Variants in KSR2 observed in about 807,000 individuals in gnomAD.
The protein encoded by KSR2 is kinase suppressor of ras 2.
KSR2 carries 25 observed loss-of-function variants against 107.8 expected under a neutral mutation model. The ratio of observed to expected loss-of-function variants is 0.23; its 90% confidence interval spans 0.17 to 0.32. The LOEUF (loss-of-function observed/expected upper bound fraction) is 0.32. Ranked by LOEUF, KSR2 falls within the 10% of genes least tolerant of loss-of-function variation. The pLI, the probability that KSR2 is intolerant of heterozygous loss-of-function variation, is 1.00. For synonymous variants in KSR2, 480 were observed against 507.0 expected (o/e 0.95, Z 0.71); for missense variants, 887 against 1,268.9 (o/e 0.70, Z 4.57).
At chr12:117,554,089 G>A (rs1004361) in intron 9 of KSR2, among the ~76,000 whole-genome samples, 22,422 of 152,082 alleles carry the variant, frequency 0.15, 1,706 homozygotes, top group East Asian at 0.19. Context: ...ATCTACCTTC[G>A]ACATAATGCA....
chr12:117,527,284 CACACACACACACACACAG>C lies in KSR2; in HGVS notation c.1803-183_1803-166del, dbSNP rs1209317703. Among the ~76,000 whole-genome samples the C allele has an allele frequency of 1.5e-3, 181 of 121,370 alleles. 4 individuals carry two copies. The highest frequency in any genetic ancestry group is 8.6e-3 in the East Asian group (41 of 4,794). 79.6% of individuals were successfully genotyped at this position (121,370 alleles called of 152,430 possible). On this transcript the variant is annotated intron_variant, in intron 12 of 19. Transcript: ENST00000339824. ...TCTGAAATAATCCATAACCTCGACA[CACACACACACACACACAG>C]ACACACACACACACACACACACAGA...
intron 7 of KSR2, among the ~76,000 whole-genome samples, chr12:117,565,414 G>A: frequency 6.6e-6 from 1 of 152,146 alleles, no homozygotes; most frequent in East Asian, 1.9e-4. Flanking sequence ...CATTAAACAA[G>A]CACAAACTTT....
In KSR2 at chr12:117,804,341, C is replaced by T. The variant is rs1006451263; in HGVS notation, c.473-42817G>A. ...TACAGGCGTGAGCCACCGCACCCGG[C>T]CATTTATTGTCTATACCTGATTTCA... On this transcript the variant is annotated intron_variant, in intron 3 of 19. Coordinates refer to ENST00000339824, the MANE Select transcript of KSR2 (RefSeq NM_173598.6). Among the ~76,000 whole-genome samples, 17 of 152,314 alleles carry T rather than the reference C, an allele frequency of 1.1e-4. 1 individual carries two copies. Among genetic ancestry groups the T allele is most frequent in the South Asian group, 4.1e-4 (2 of 4,826 alleles).
intron 3 of KSR2, among the ~76,000 whole-genome samples, chr12:117,828,149 T>G (rs1417151115): frequency 6.6e-6 from 1 of 152,186 alleles, no homozygotes; most frequent in Admixed American, 6.5e-5. Flanking sequence ...TGGGACAATG[T>G]GCTACTTGTT....
intron 10 of KSR2, among the ~76,000 whole-genome samples, chr12:117,534,282 A>G (rs1223567176): frequency 3.9e-5 from 6 of 152,156 alleles, no homozygotes; most frequent in Non-Finnish European, 8.8e-5. Context: ...CATAAAATCT[A>G]AAATCCTGCC....
rs143566163 is a variant in KSR2 at position 117,651,175 on chromosome 12, T to C, written c.1171+16299A>G. On this transcript the variant is annotated intron_variant, in intron 5 of 19. Transcript: ENST00000339824. Reference sequence around the variant, plus strand: ...GCAACATCCCCTCCCCAACCCATGCTGCCATCAGCCTTTCCACCTTTGTCT... The same window carrying C: ...GCAACATCCCCTCCCCAACCCATGCCGCCATCAGCCTTTCCACCTTTGTCT... 7.0e-3 allele frequency among the ~76,000 whole-genome samples: 1,062 copies of C among 152,312 alleles called. 14 individuals are homozygous for C. Among genetic ancestry groups the C allele is most frequent in the African/African-American group, 0.024 (1,018 of 41,568 alleles).
chr12:117,517,789 C>T (rs556167139), intron 14 of KSR2: 25 of 453,622 alleles, frequency 5.5e-5, no homozygotes, highest in Admixed American at 1.2e-4. Context: ...ATGATGGGGA[C>T]GGAATCTTCA....
chr12:117,842,051 C>T lies in KSR2; in HGVS notation c.472+13377G>A, dbSNP rs1892506866. ...CACAGGGGTTCTCAAAGCGTGTTCC[C>T]CAAACCAGCAGCACCAGCGTCGCCT... On this transcript the variant is annotated intron_variant, in intron 3 of 19. Transcript: ENST00000339824. The surrounding 1 kb of genome is among the most constrained non-coding windows in gnomAD (Gnocchi z 4.2). Among the ~76,000 whole-genome samples the T allele has an allele frequency of 6.6e-6, 1 of 152,202 alleles. No homozygotes were observed. Among genetic ancestry groups the T allele is most frequent in the African/African-American group, 2.4e-5 (1 of 41,440 alleles).
chr12:117,522,029 C>T (rs754457031), intron 14 of KSR2, among the ~76,000 whole-genome samples: 3 of 152,156 alleles, frequency 2.0e-5, no homozygotes, highest in Non-Finnish European at 4.4e-5. Context: ...AATACCAAAA[C>T]ACTTCAGAGA....
chr12:117,902,047 C>T (rs949892081), intron 1 of KSR2, among the ~76,000 whole-genome samples: 2 of 152,218 alleles, frequency 1.3e-5, no homozygotes, highest in Non-Finnish European at 2.9e-5. Flanking sequence ...CAGTCAAGGA[C>T]TTCCATCTTC....
At chr12:117,656,048 T>C (rs747536878) in intron 5 of KSR2, among the ~76,000 whole-genome samples, 1 of 152,134 alleles carries the variant, frequency 6.6e-6, no homozygotes, top group Non-Finnish European at 1.5e-5. Flanking sequence ...GAATACAGAA[T>C]GGGTAGTAGA....
chr12:117,677,846 T>C (rs910792791), intron 4 of KSR2, among the ~76,000 whole-genome samples: 2 of 152,202 alleles, frequency 1.3e-5, no homozygotes, highest in Non-Finnish European at 2.9e-5. Context: ...CAAAACTATA[T>C]TTTGGATGAA....
chr12:117,494,493 GA>G (rs1430689011), intron 14 of KSR2, among the ~76,000 whole-genome samples: 2 of 152,082 alleles, frequency 1.3e-5, no homozygotes, highest in African/African-American at 4.8e-5. Flanking sequence ...GGGGTCCAGG[GA>G]ACCCCACTTT....
intron 5 of KSR2, among the ~76,000 whole-genome samples, chr12:117,606,481 TCTCCTTCCTTCCTCCATCCC>T (rs796597934): frequency 0.53 from 8,443 of 16,024 alleles, 2,076 homozygotes; most frequent in East Asian, 0.73. Flanking sequence ...CCCTCCCTCC[TCTCCTTCCTTCCTCCATCCC>T]CTCCTTCCTT....
chr12:117,736,663 A>C (rs584654), intron 4 of KSR2, among the ~76,000 whole-genome samples: 30,205 of 151,862 alleles, frequency 0.2, 3,676 homozygotes, highest in South Asian at 0.29. Context: ...AATTACAAAA[A>C]TTAGTTGGGT....
At chr12:117,601,748 T>C (rs79404374) in intron 5 of KSR2, among the ~76,000 whole-genome samples, 6,444 of 152,264 alleles carry the variant, frequency 0.042, 262 homozygotes, top group East Asian at 0.16. Flanking sequence ...CAGTTTGCAG[T>C]AATTTTGGCA....
At chr12:117,575,358 C>T (rs1370000908) in intron 7 of KSR2, among the ~76,000 whole-genome samples, 1 of 152,210 alleles carries the variant, frequency 6.6e-6, no homozygotes, top group Non-Finnish European at 1.5e-5. Flanking sequence ...TCTGAAATGT[C>T]ACCTGTCACG....
chr12:117,474,532 T>C (rs889662438), intron 17 of KSR2, among the ~76,000 whole-genome samples: 8 of 151,940 alleles, frequency 5.3e-5, no homozygotes, highest in Admixed American at 2.0e-4. Context: ...GCCTGCAACT[T>C]TCCCAAACCG....
intron 1 of KSR2, among the ~76,000 whole-genome samples, chr12:117,892,319 A>G (rs1171923752): frequency 1.3e-5 from 2 of 152,158 alleles, no homozygotes; most frequent in African/African-American, 2.4e-5. Flanking sequence ...ACAAACAAAA[A>G]TACACATAGA....
Sources: allele counts gnomAD v4.1 joint callset (sites outside exome capture counted in the v4.1 genomes callset), GRCh38; gene constraint gnomAD v4.1.1; non-coding constraint Gnocchi (gnomAD v3.1); transcripts MANE v1.5; gene names NCBI Gene and HGNC (gene_info 2026-07-23, HGNC 2026-07-21).